Variants in CDK6 observed in about 807,000 individuals in gnomAD.
The protein encoded by CDK6 is cyclin dependent kinase 6.
In CDK6, 6 loss-of-function variants were observed where a neutral mutation model predicts 37.1. The ratio of observed to expected loss-of-function variants is 0.16; its 90% CI spans 0.09 to 0.32. CDK6 has a LOEUF of 0.32. CDK6 is among the 10% of genes least tolerant of loss of function. The pLI, the probability that CDK6 is intolerant of heterozygous loss-of-function variation, is 1.00. For synonymous variants in CDK6, 160 were observed against 161.3 expected, an observed-to-expected ratio of 0.99 and a Z score of 0.06; for missense variants, 224 against 418.9, an observed-to-expected ratio of 0.53 and a Z score of 4.06.
intron 2 of CDK6, among the ~76,000 whole-genome samples, chr7:92,792,104 AG>A (rs1374846132): frequency 6.6e-6 from 1 of 152,158 alleles, no homozygotes. Context: ...GAAAACAAGT[AG>A]GAAGTGTCTG....
intron 2 of CDK6, among the ~76,000 whole-genome samples, chr7:92,777,160 A>G (rs1799871091): frequency 6.6e-6 from 1 of 152,206 alleles, no homozygotes; most frequent in Non-Finnish European, 1.5e-5. Context: ...TAAATAGGGT[A>G]TCATTTCCCC....
At chr7:92,677,260 T>TA (rs1160752731) in intron 4 of CDK6, among the ~76,000 whole-genome samples, 2 of 152,230 alleles carry the variant, frequency 1.3e-5, no homozygotes, top group East Asian at 3.8e-4. Flanking sequence ...GTTCAAGACT[T>TA]ACATTTCTAG....
chr7:92,648,028 A>G (rs1796489572), intron 5 of CDK6, among the ~76,000 whole-genome samples: 1 of 152,198 alleles, frequency 6.6e-6, no homozygotes, highest in Non-Finnish European at 1.5e-5. Context: ...GGTAAGGCCG[A>G]CTTAACTGAC....
intron 2 of CDK6, among the ~76,000 whole-genome samples, chr7:92,787,926 T>A (rs943321269): frequency 1.3e-5 from 2 of 152,104 alleles, no homozygotes; most frequent in African/African-American, 4.8e-5. Context: ...AAATATAACA[T>A]CTTATATTTT....
intron 5 of CDK6, among the ~76,000 whole-genome samples, chr7:92,663,795 C>T (rs1046281768): frequency 1.3e-5 from 2 of 152,050 alleles, no homozygotes; most frequent in African/African-American, 4.8e-5. Flanking sequence ...CATTACTCAA[C>T]CAAAATTGGA....
rs560913895 is a variant in CDK6 at position 92,727,205 on chromosome 7, T to G, written c.370-1412A>C. Reference sequence around the variant, plus strand: ...TAAGAATGGTGTATACAAGGGAGGATGGAGCTGTTTTGTTAATACAAGGGT... The same window carrying G: ...TAAGAATGGTGTATACAAGGGAGGAGGGAGCTGTTTTGTTAATACAAGGGT... On this transcript the variant is annotated intron_variant, in intron 3 of 7. Transcript: ENST00000424848. 4.6e-5 allele frequency among the ~76,000 whole-genome samples: 7 copies of G among 152,274 alleles called. No homozygotes were observed. The South Asian group carries it at 1.4e-3, about 32-fold the overall frequency.
At chr7:92,667,111 T>TA (rs1369148884) in intron 5 of CDK6, among the ~76,000 whole-genome samples, 7 of 152,020 alleles carry the variant, frequency 4.6e-5, no homozygotes, top group African/African-American at 1.7e-4. Context: ...CAAAAAAGTT[T>TA]AAAAAGTAAA....
intron 4 of CDK6, among the ~76,000 whole-genome samples, chr7:92,678,589 C>T (rs1797260914): frequency 6.6e-6 from 1 of 152,164 alleles, no homozygotes; most frequent in African/African-American, 2.4e-5. Context: ...TCAGAGTAAA[C>T]CGCTCTCACT....
chr7:92,614,794 C>T lies in CDK6; in HGVS notation c.*346G>A. 6.0e-6 allele frequency: 2 copies of T among 334,998 alleles called. No homozygotes were observed. Among genetic ancestry groups the T allele is most frequent in the African/African-American group, 2.0e-5 (1 of 49,600 alleles). The allele number at this position is 334,998 out of a possible 1,614,324, so 20.8% of individuals were successfully genotyped here. A position where few individuals can be genotyped will look rare whatever the true frequency, so the allele number is the denominator to read the frequency against. On this transcript the variant is annotated 3_prime_UTR_variant, in exon 8 of 8. Transcript: ENST00000424848. ...GCTGCAGAGAGATTACATCATAACT[C>T]AGCTGTGCCTGGATTACCCACTCCA...
chr7:92,816,203 A>G (rs1801025677), intron 2 of CDK6, among the ~76,000 whole-genome samples: 1 of 152,306 alleles, frequency 6.6e-6, no homozygotes, highest in Non-Finnish European at 1.5e-5. Flanking sequence ...ACAGAACATG[A>G]CCCATAAGCA....
At chr7:92,788,634 G>C (rs964958236) in intron 2 of CDK6, among the ~76,000 whole-genome samples, 3 of 152,114 alleles carry the variant, frequency 2.0e-5, no homozygotes, top group African/African-American at 7.2e-5. Context: ...CTAAGTACAT[G>C]CAGATGAGAC....
intron 7 of CDK6, among the ~76,000 whole-genome samples, chr7:92,616,644 A>G (rs1288469356): frequency 2.0e-5 from 3 of 152,046 alleles, no homozygotes; most frequent in Non-Finnish European, 4.4e-5. Context: ...CCCAGAGCCC[A>G]AGAAGGAGAA....
At chr7:92,803,402 A>G (rs1230599383) in intron 2 of CDK6, among the ~76,000 whole-genome samples, 1 of 152,226 alleles carries the variant, frequency 6.6e-6, no homozygotes, top group Non-Finnish European at 1.5e-5. Flanking sequence ...AAATGCTCCC[A>G]TGGAGCTGAT....
chr7:92,734,016 T>C (rs1480456178), intron 3 of CDK6, among the ~76,000 whole-genome samples: 1 of 152,212 alleles, frequency 6.6e-6, no homozygotes, highest in Non-Finnish European at 1.5e-5. Context: ...TATTCTTATA[T>C]GTTATGATTA....
chr7:92,649,496 C>A (rs1184595643), intron 5 of CDK6, among the ~76,000 whole-genome samples: 19 of 151,872 alleles, frequency 1.3e-4, no homozygotes. Context: ...CCAAGGAGCC[C>A]GAATGCCCCA....
chr7:92,822,285 G>A (rs1043451331), intron 2 of CDK6, among the ~76,000 whole-genome samples: 1 of 151,800 alleles, frequency 6.6e-6, no homozygotes, highest in Non-Finnish European at 1.5e-5. Flanking sequence ...GCTTAGAAAG[G>A]GTATATCTCA....
Position 92,714,794 on chromosome 7 carries a change from T to G in CDK6, c.537+10832A>C, listed in dbSNP as rs1392158792. Among the ~76,000 whole-genome samples, 3 of 152,188 alleles carry G rather than the reference T, an allele frequency of 2.0e-5. No individual in the cohort carries two copies. In the East Asian group the frequency reaches 5.8e-4, roughly 29 times the overall value. ...TTACTTTATAAAAGTTTTACAGTTTTTTTTTTTCTTTTTCTAATCTGCTTT... is the reference window on the plus strand; with the variant it reads ...TTACTTTATAAAAGTTTTACAGTTTGTTTTTTTCTTTTTCTAATCTGCTTT... On this transcript the variant is annotated intron_variant, in intron 4 of 7. Transcript: ENST00000424848.
chr7:92,717,743 G>A (rs1427257580), intron 4 of CDK6, among the ~76,000 whole-genome samples: 1 of 152,060 alleles, frequency 6.6e-6, no homozygotes, highest in African/African-American at 2.4e-5. Context: ...TCAAATGAAT[G>A]ACTATCTTTT....
chr7:92,687,073 C>T (rs1797473849), intron 4 of CDK6, among the ~76,000 whole-genome samples: 1 of 152,146 alleles, frequency 6.6e-6, no homozygotes, highest in South Asian at 2.1e-4. Flanking sequence ...TTTTAAATCA[C>T]TATTGTAGAT....
Sources: gnomAD v4.1 joint callset for allele counts (sites outside exome capture counted in the v4.1 genomes callset) on GRCh38, gnomAD v4.1.1 for gene constraint, MANE v1.5 for transcripts, NCBI Gene and HGNC (gene_info 2026-07-23, HGNC 2026-07-21) for gene names.